The following PCDHA9 variants were observed in gnomAD, a reference collection of about 807,000 sequenced individuals.
The protein encoded by PCDHA9 is protocadherin alpha-9.
A neutral mutation model predicts 62.0 loss-of-function variants in PCDHA9; 62 were observed. The ratio of observed to expected loss-of-function variants is 1.00; its 90% confidence interval spans 0.81 to 1.23. The LOEUF is 1.23. PCDHA9 is among the 50% of genes most tolerant of loss of function. The probability of loss-of-function intolerance (pLI) is 0.00; values close to 1 mark genes in which losing one functional copy is unlikely to be tolerated. For synonymous variants in PCDHA9, 557 were observed against 567.6 expected, an observed-to-expected ratio of 0.98 and a Z score of 0.27; for missense variants, 1,205 against 1,249.8, an observed-to-expected ratio of 0.96 and a Z score of 0.54.
At chr5:140,888,673 A>T (rs571585641) in intron 1 of PCDHA9, among the ~76,000 whole-genome samples, 1 of 152,298 alleles carries the variant, frequency 6.6e-6, no homozygotes, top group Admixed American at 6.5e-5. Context: ...TGCCCTGTGC[A>T]TTAAGAGGTC....
At chr5:140,884,574 T>C (rs1554181755) in intron 1 of PCDHA9, 1 of 1,614,014 alleles carries the variant, frequency 6.2e-7, no homozygotes, top group East Asian at 2.2e-5. Context: ...AAGACGGACC[T>C]CATGGCCTTC....
chr5:140,944,838 A>C (rs996510272), intron 1 of PCDHA9, among the ~76,000 whole-genome samples: 13 of 152,212 alleles, frequency 8.5e-5, no homozygotes, highest in Non-Finnish European at 1.6e-4. Flanking sequence ...TTGTAAAATG[A>C]GATATTAGAA....
Position 140,850,105 on chromosome 5 carries a change from C to T in PCDHA9, c.1610C>T (p.Ala537Val), listed in dbSNP as rs1554143759. 1.9e-6 allele frequency: 3 copies of T among 1,596,238 alleles called. No homozygotes were observed. In the East Asian group the frequency reaches 6.7e-5, roughly 36 times the overall value. ...ELELLQFQVS[A>V]RDAGVPPLGS... ...GAGCTGCTACAGTTCCAGGTGAGCG[C>T]GCGCGACGCGGGCGTGCCGCCTCTG... Residue 537 changes from alanine (A) to valine (V), a missense_variant, in exon 1 of 4, where the codon GCG becomes GTG. Coordinates refer to ENST00000532602, the MANE Select transcript of PCDHA9 (RefSeq NM_031857.2).
Position 140,892,397 on chromosome 5 carries a change from T to C in PCDHA9, c.2394+41508T>C, listed in dbSNP as rs554853881. On this transcript the variant is annotated intron_variant, in intron 1 of 3. Coordinates refer to ENST00000532602, the MANE Select transcript of PCDHA9 (RefSeq NM_031857.2). ...GCAATCATGGGTAATCTTAATCTAT[T>C]TCAAGCTTCAGGTATTCTAGATAAA... is the stretch of plus-strand genomic sequence containing the variant. Among the ~76,000 whole-genome samples the C allele has an allele frequency of 2.0e-5, 3 of 152,326 alleles. No homozygotes were observed. The South Asian group carries it at 6.2e-4, about 32-fold the overall frequency.
At chr5:140,924,944 T>TA (rs11334471) in intron 1 of PCDHA9, among the ~76,000 whole-genome samples, 37 of 142,946 alleles carry the variant, frequency 2.6e-4, no homozygotes, top group Non-Finnish European at 4.2e-4. Context: ...AATAAAAAGT[T>TA]AAAAAAAAAA....
intron 1 of PCDHA9, chr5:140,930,027 T>A (rs1554207548): frequency 6.6e-6 from 1 of 152,190 alleles, no homozygotes; most frequent in Non-Finnish European, 1.5e-5. Context: ...CATAGCAGTG[T>A]TTTGTAACTG....
chr5:140,863,326 G>T (rs782427157), intron 1 of PCDHA9: 3 of 1,432,470 alleles, frequency 2.1e-6, no homozygotes, highest in Non-Finnish European at 2.9e-6. Context: ...CAGCCTGTTA[G>T]TGCTCACGTT....
intron 1 of PCDHA9, among the ~76,000 whole-genome samples, chr5:140,924,394 T>A (rs973977224): frequency 2.0e-5 from 3 of 152,176 alleles, no homozygotes; most frequent in Admixed American, 2.0e-4. Context: ...CTACTTATAT[T>A]GCCTTATATC....
chr5:140,863,422 G>T (rs782158453), intron 1 of PCDHA9: 6 of 689,158 alleles, frequency 8.7e-6, no homozygotes, highest in Middle Eastern at 5.8e-4. Flanking sequence ...GTACCGCAGC[G>T]TAGTGGGATC....
chr5:140,882,816 A>C, intron 1 of PCDHA9: 3 of 1,614,266 alleles, frequency 1.9e-6, no homozygotes, highest in Non-Finnish European at 2.5e-6. Flanking sequence ...TTGGACGCAC[A>C]AAACAGTCTT....
At position 140,857,621 on chromosome 5, in the gene PCDHA9, G is replaced by A. The variant is rs962164938; in HGVS notation, c.2394+6732G>A. ...GTACGCGCTGCAGCCGCTGGACCAC[G>A]AGGAGCTGGAGCTGCTACAGTTCCA... On this transcript the variant is annotated intron_variant, in intron 1 of 3. Transcript: ENST00000532602. The A allele has an allele frequency of 4.4e-6, 7 of 1,596,528 alleles. 1 individual carries two copies. In the African/African-American group the frequency reaches 8.1e-5, roughly 18 times the overall value.
At chr5:140,960,306 A>G (rs1554224657) in intron 1 of PCDHA9, among the ~76,000 whole-genome samples, 1 of 152,136 alleles carries the variant, frequency 6.6e-6, no homozygotes, top group African/African-American at 2.4e-5. Context: ...ATCAATACCA[A>G]CCTCATTAGG....
At chr5:140,891,502 T>C (rs11748559) in intron 1 of PCDHA9, among the ~76,000 whole-genome samples, 18,999 of 152,020 alleles carry the variant, frequency 0.12, 1,247 homozygotes, top group Middle Eastern at 0.19. Context: ...TCCTCAGCTA[T>C]AATGTTCTCC....
At chr5:140,894,808 A>G (rs541905033) in intron 1 of PCDHA9, among the ~76,000 whole-genome samples, 2 of 152,096 alleles carry the variant, frequency 1.3e-5, no homozygotes, top group African/African-American at 4.8e-5. Flanking sequence ...AAATAATTTT[A>G]TATCAGATTT....
At chr5:140,957,689 A>G (rs2095375568) in intron 1 of PCDHA9, among the ~76,000 whole-genome samples, 1 of 152,234 alleles carries the variant, frequency 6.6e-6, no homozygotes. Flanking sequence ...TATCTAGACA[A>G]TGAACATTAT....
chr5:140,851,102 G>C, intron 1 of PCDHA9: 1 of 1,288,626 alleles, frequency 7.8e-7, no homozygotes, highest in African/African-American at 1.5e-5. Context: ...ATATTTTTTG[G>C]GTGCTGAATC....
chr5:140,979,146 TC>T (rs2096836943), intron 2 of PCDHA9, 139 bp downstream of exon 2: 2 of 1,444,078 alleles, frequency 1.4e-6, no homozygotes, highest in African/African-American at 2.9e-5. Context: ...AATTATTTTG[TC>T]CCCATGTTTA....
intron 1 of PCDHA9, chr5:140,929,268 AAT>A (rs782372972): frequency 7.4e-6 from 12 of 1,611,594 alleles, no homozygotes; most frequent in Non-Finnish European, 1.0e-5. Flanking sequence ...TGAATTTGCC[AAT>A]ATCCTGTATT....
chr5:140,932,187 T>C (rs2153611225), intron 1 of PCDHA9, among the ~76,000 whole-genome samples: 1 of 152,028 alleles, frequency 6.6e-6, no homozygotes, highest in Admixed American at 6.5e-5. Context: ...CTCATGTCCA[T>C]TTTTTTCTGT....
Sources: allele counts gnomAD v4.1 joint callset (sites outside exome capture counted in the v4.1 genomes callset), GRCh38; gene constraint gnomAD v4.1.1; transcripts MANE v1.5; gene names NCBI Gene and HGNC (gene_info 2026-07-23, HGNC 2026-07-21).